KLHDC4: variants seen among roughly 807,000 people sequenced by gnomAD.
KLHDC4 encodes the protein kelch domain-containing protein 4.
KLHDC4 carries 90 observed loss-of-function variants against 62.4 expected under a neutral mutation model. The ratio of observed to expected loss-of-function variants is 1.44; its 90% CI spans 1.22 to 1.72. The LOEUF is 1.72. Ranked by LOEUF, KLHDC4 falls within the 40% of genes most tolerant of loss-of-function variation. KLHDC4 has a pLI of 0.00. For missense variants in KLHDC4, 1,025 were observed against 699.7 expected, an observed-to-expected ratio of 1.47 and a Z score of -5.25; for synonymous variants, 386 against 284.4, an observed-to-expected ratio of 1.36 and a Z score of -3.59.
At chr16:87,725,355 C>T (rs1043445006) in intron 7 of KLHDC4, among the ~76,000 whole-genome samples, 22 of 152,088 alleles carry the variant, frequency 1.4e-4, no homozygotes, top group Non-Finnish European at 2.6e-4. Context: ...TTAGTAGAGA[C>T]GGGGTTTCAC....
intron 1 of KLHDC4, among the ~76,000 whole-genome samples, chr16:87,762,384 C>T (rs540528236): frequency 5.0e-4 from 76 of 152,274 alleles, no homozygotes; most frequent in African/African-American, 1.7e-3. Context: ...GTCGCACCTG[C>T]CAGCCTTCCT....
intron 5 of KLHDC4, among the ~76,000 whole-genome samples, chr16:87,741,919 A>C (rs1042257708): frequency 1.3e-5 from 2 of 152,232 alleles, no homozygotes; most frequent in South Asian, 2.1e-4. Flanking sequence ...TCATGGTAGC[A>C]ACGCCTATTC....
At chr16:87,753,213 G>A (rs1204518242) in intron 4 of KLHDC4, among the ~76,000 whole-genome samples, 2 of 152,332 alleles carry the variant, frequency 1.3e-5, no homozygotes, top group Middle Eastern at 3.4e-3. Context: ...TGGAGTCTCT[G>A]TACACTAAAC....
At chr16:87,746,456 G>A (rs1433459227) in intron 5 of KLHDC4, among the ~76,000 whole-genome samples, 1 of 152,122 alleles carries the variant, frequency 6.6e-6, no homozygotes, top group Non-Finnish European at 1.5e-5. Flanking sequence ...CTCCAAATCC[G>A]TACTCACAAC....
intron 7 of KLHDC4, among the ~76,000 whole-genome samples, chr16:87,721,883 C>T (rs777245137): frequency 1.6e-4 from 24 of 152,244 alleles, no homozygotes; most frequent in Middle Eastern, 3.4e-3. Context: ...CAGGACTCCG[C>T]CCCTCGCTGC....
In KLHDC4 at chr16:87,726,843, CCCCGTCCCTGA is replaced by C; in HGVS notation, c.670_680del (p.Ser224AlafsTer29). The C allele has an allele frequency of 6.2e-7, 1 of 1,613,012 alleles. No individual in the cohort carries two copies. The highest frequency in any genetic ancestry group is 8.5e-7 in the Non-Finnish European group (1 of 1,179,594). On this transcript the variant is annotated frameshift_variant, in exon 7 of 12. Coordinates refer to ENST00000270583, the MANE Select transcript of KLHDC4 (RefSeq NM_017566.4). LOFTEE classifies it high-confidence loss of function. ...TCTGGCAGCCTGATCTGGGTGTGGGCCCCGTCCCTGACGGGGACAGCTTGCTCCATGTGAAG... is the reference window on the plus strand; with the variant it reads ...TCTGGCAGCCTGATCTGGGTGTGGGCCGGGGACAGCTTGCTCCATGTGAAG...
intron 4 of KLHDC4, among the ~76,000 whole-genome samples, chr16:87,749,156 T>A (rs568095566): frequency 1.3e-5 from 2 of 151,914 alleles, no homozygotes; most frequent in African/African-American, 4.8e-5. Context: ...GTGTTTTCCT[T>A]TTATTAATAT....
chr16:87,711,098 G>A (rs915901702), intron 9 of KLHDC4, 137 bp downstream of exon 9: 28 of 759,218 alleles, frequency 3.7e-5, no homozygotes, highest in Middle Eastern at 2.5e-4. Flanking sequence ...AGTCAGAGAC[G>A]GAACCCTCGC....
intron 3 of KLHDC4, 23 bp from the exon 4 acceptor site, chr16:87,755,315 C>T: frequency 2.3e-6 from 3 of 1,295,756 alleles, no homozygotes; most frequent in Non-Finnish European, 2.2e-6. Context: ...AGAAGAATGT[C>T]AGTGTCACAA....
At chr16:87,702,105 T>C (rs1597322575) in exon 1 of KLHDC4, 3 of 454,492 alleles carry the variant, frequency 6.6e-6, no homozygotes, top group Non-Finnish European at 8.8e-6. Flanking sequence ...AGCCTTCGGG[T>C]CCCAGAGCTT....
At chr16:87,762,061 C>A in intron 1 of KLHDC4, 21 bp from the exon 2 acceptor site, 1 of 1,611,914 alleles carries the variant, frequency 6.2e-7, no homozygotes, top group South Asian at 1.1e-5. Context: ...CAAGCAGGCA[C>A]ACGTGAGACT....
chr16:87,736,841 T>TCGGC (rs917992850), intron 5 of KLHDC4, among the ~76,000 whole-genome samples: 2 of 152,026 alleles, frequency 1.3e-5, no homozygotes, highest in African/African-American at 4.8e-5. Context: ...GACAAGGAAA[T>TCGGC]CGGCCGGGCG....
At chr16:87,718,417 C>T (rs962577217) in intron 7 of KLHDC4, among the ~76,000 whole-genome samples, 11 of 148,506 alleles carry the variant, frequency 7.4e-5, no homozygotes, top group Admixed American at 1.3e-4. Context: ...CCTCTGATGC[C>T]GAGCGGAGGC....
At chr16:87,755,172 T>G (rs1268762166) in intron 4 of KLHDC4, 22 bp downstream of exon 4, 3 of 1,534,234 alleles carry the variant, frequency 2.0e-6, no homozygotes, top group Non-Finnish European at 2.7e-6. Context: ...GGAGGGTGGC[T>G]GAGAGTCAGT....
At chr16:87,714,340 AC>A (rs2036498201) in intron 8 of KLHDC4, 157 bp downstream of exon 8, 1 of 69,264 alleles carries the variant, frequency 1.4e-5, no homozygotes, top group African/African-American at 5.6e-5. Context: ...AGCCTGTCCC[AC>A]CCGGCCCACC....
At chr16:87,710,027 C>T (rs1033023532) in intron 9 of KLHDC4, 2 of 243,198 alleles carry the variant, frequency 8.2e-6, no homozygotes, top group African/African-American at 4.4e-5. Flanking sequence ...ACCCAATCAC[C>T]CACAGTGCTG....
chr16:87,759,626 G>A (rs1385210449), intron 2 of KLHDC4, among the ~76,000 whole-genome samples: 1 of 151,402 alleles, frequency 6.6e-6, no homozygotes, highest in Non-Finnish European at 1.5e-5. Context: ...CATGCCTATT[G>A]TCCCAGCTAC....
At chr16:87,711,886 G>GGGGACCCTCCACCCTGCACA (rs1194191015) in intron 8 of KLHDC4, among the ~76,000 whole-genome samples, 2 of 135,444 alleles carry the variant, frequency 1.5e-5, no homozygotes, top group Non-Finnish European at 3.0e-5. Flanking sequence ...CACCCTGCAC[G>GGGGACCCTCCACCCTGCACA]GGGAACCTTC....
intron 3 of KLHDC4, 160 bp from the exon 4 acceptor site, chr16:87,755,452 T>G: frequency 2.9e-5 from 14 of 481,510 alleles, no homozygotes; most frequent in East Asian, 3.9e-5. Flanking sequence ...CCGGGGCCAT[T>G]GGGGATGACG....
Sources: allele counts gnomAD v4.1 joint callset (sites outside exome capture counted in the v4.1 genomes callset), GRCh38; gene constraint gnomAD v4.1.1; transcripts MANE v1.5; gene names NCBI Gene and HGNC (gene_info 2026-07-23, HGNC 2026-07-21).